XXYLT1: variants seen among roughly 807,000 people sequenced by gnomAD.
XXYLT1 encodes UDP-xylose:alpha-xyloside alpha-1,3-xylosyltransferase.
Under a neutral mutation model 28.9 loss-of-function variants are expected in XXYLT1, and 20 were observed. That is an observed-to-expected ratio of 0.69 (90% CI 0.49 to 1.00). The LOEUF (loss-of-function observed/expected upper bound fraction) is 1.00, where lower values mean the gene tolerates loss of function less well. Ranked by LOEUF, XXYLT1 falls within the 50% of genes least tolerant of loss-of-function variation. XXYLT1 has a pLI of 0.00. For synonymous variants in XXYLT1, 257 were observed against 253.8 expected (o/e 1.01, Z -0.12); for missense variants, 542 against 560.1 (o/e 0.97, Z 0.33).
chr3:195,270,606 G>A lies in XXYLT1; in HGVS notation c.453C>T (p.Ala151=), dbSNP rs746555729. 2 of 1,468,450 alleles carry A rather than the reference G, an allele frequency of 1.4e-6. No individual in the cohort carries two copies. The highest frequency in any genetic ancestry group is 1.4e-5 in the African/African-American group (1 of 69,002). 91.0% of individuals were successfully genotyped at this position (1,468,450 alleles called of 1,614,324 possible). A position where few individuals can be genotyped will look rare whatever the true frequency, so the allele number is the denominator to read the frequency against. The change falls in exon 1 of 4, where the codon GCC becomes GCT. Residue 151 remains alanine (A), a synonymous_variant. Coordinates refer to ENST00000310380, the MANE Select transcript of XXYLT1 (RefSeq NM_152531.5). ...GCAGGAGCTCCCGCAGCAGGCCCTT[G>A]GCCACCTCGCGGCTGGCCTCCTCGC... is the stretch of plus-strand genomic sequence containing the variant. The part of the protein sequence containing the change: ...FVSEEASREV[A]KGLLRELLPP...
At position 195,076,703 on chromosome 3, in the gene XXYLT1, G is replaced by A. The variant is rs775870135; in HGVS notation, c.786-6592C>T. On this transcript the variant is annotated intron_variant, in intron 3 of 3. Transcript: ENST00000310380. This position sits in a 1 kb window ranked among gnomAD's most constrained non-coding sequence, Gnocchi z 5.3. ...CTAGGAGGGAGGGTCTGTTCCAGGC[G>A]CTCCCCTCGCTCCTGGTGGCTTGCT... 2.6e-5 allele frequency among the ~76,000 whole-genome samples: 4 copies of A among 152,128 alleles called. No homozygotes were observed. The highest frequency in any genetic ancestry group is 5.9e-5 in the Non-Finnish European group (4 of 68,030).
In XXYLT1 at chr3:195,180,036, G is replaced by A. The variant is rs970107286; in HGVS notation, c.653-23455C>T. Among the ~76,000 whole-genome samples the A allele has an allele frequency of 2.0e-5, 3 of 152,258 alleles. No homozygotes were observed. Among genetic ancestry groups the A allele is most frequent in the East Asian group, 3.9e-4 (2 of 5,166 alleles). Reference sequence around the variant, plus strand: ...TGCAGGCAGAGTCGGGCCAGGGTGCGGCTGAGTGACGGAGCGCCTGGTGAG... The same window carrying A: ...TGCAGGCAGAGTCGGGCCAGGGTGCAGCTGAGTGACGGAGCGCCTGGTGAG... On this transcript the variant is annotated intron_variant, in intron 2 of 3. Transcript: ENST00000310380. This position sits in a 1 kb window ranked among gnomAD's most constrained non-coding sequence, Gnocchi z 5.8.
intron 2 of XXYLT1, among the ~76,000 whole-genome samples, chr3:195,171,561 T>C (rs114317676): frequency 0.015 from 2,254 of 152,314 alleles, 52 homozygotes; most frequent in African/African-American, 0.052. Flanking sequence ...GCAGGTGGTA[T>C]CTGGATTATT....
chr3:195,202,049 C>A (rs1445783530), intron 2 of XXYLT1, among the ~76,000 whole-genome samples: 2 of 151,270 alleles, frequency 1.3e-5, no homozygotes, highest in Non-Finnish European at 1.5e-5. Flanking sequence ...TGGTGGTGTG[C>A]ACCTGTAATC....
intron 2 of XXYLT1, among the ~76,000 whole-genome samples, chr3:195,193,360 C>T (rs932177943): frequency 6.6e-6 from 1 of 151,380 alleles, no homozygotes; most frequent in Middle Eastern, 3.2e-3. Flanking sequence ...GTACAAGACT[C>T]GCATACTAAA....
chr3:195,141,994 T>C (rs778374402), intron 3 of XXYLT1, among the ~76,000 whole-genome samples: 6 of 152,252 alleles, frequency 3.9e-5, no homozygotes, highest in Non-Finnish European at 7.3e-5. Flanking sequence ...ACGTGATTCA[T>C]GTAATCACAA....
rs1718021095 is a variant in XXYLT1 at position 195,115,932 on chromosome 3, G to A, written c.785+40517C>T. Among the ~76,000 whole-genome samples the A allele has an allele frequency of 6.6e-6, 1 of 152,142 alleles. No homozygotes were observed. The highest frequency in any genetic ancestry group is 6.5e-5 in the Admixed American group (1 of 15,286). Reference sequence around the variant, plus strand: ...TGACAGGGACAGTGATAAGGAGCTGGGCCGCTCAGGAGATGGCAGGAAACT... The same window carrying A: ...TGACAGGGACAGTGATAAGGAGCTGAGCCGCTCAGGAGATGGCAGGAAACT... On this transcript the variant is annotated intron_variant, in intron 3 of 3. Transcript: ENST00000310380. The surrounding 1 kb of genome is among the most constrained non-coding windows in gnomAD (Gnocchi z 4.2).
chr3:195,193,058 G>C (rs1156794996), intron 2 of XXYLT1, among the ~76,000 whole-genome samples: 1 of 152,030 alleles, frequency 6.6e-6, no homozygotes, highest in African/African-American at 2.4e-5. Context: ...GGCCAAGGTG[G>C]GCAGATCACC....
intron 3 of XXYLT1, among the ~76,000 whole-genome samples, chr3:195,142,596 G>T (rs760358379): frequency 6.6e-6 from 1 of 152,234 alleles, no homozygotes; most frequent in Non-Finnish European, 1.5e-5. Context: ...AAGTTATCCA[G>T]GAGAAATACA....
At chr3:195,156,785 G>A (rs1005605649) in intron 2 of XXYLT1, among the ~76,000 whole-genome samples, 2 of 152,162 alleles carry the variant, frequency 1.3e-5, no homozygotes, top group African/African-American at 2.4e-5. Flanking sequence ...ACGACTACCC[G>A]TGTCTTTTCT....
chr3:195,136,144 A>G (rs1057362649), intron 3 of XXYLT1, among the ~76,000 whole-genome samples: 5 of 152,126 alleles, frequency 3.3e-5, no homozygotes, highest in Admixed American at 6.5e-5. Flanking sequence ...CGATAACATC[A>G]TTTTGCTGGA....
chr3:195,240,187 G>A lies in XXYLT1; in HGVS notation c.505-13331C>T, dbSNP rs1425803847. 2.4e-4 allele frequency among the ~76,000 whole-genome samples: 36 copies of A among 152,198 alleles called. No individual in the cohort carries two copies. The highest frequency in any genetic ancestry group is 2.4e-3 in the Admixed American group (36 of 15,282). On this transcript the variant is annotated intron_variant, in intron 1 of 3. Coordinates refer to ENST00000310380, the MANE Select transcript of XXYLT1 (RefSeq NM_152531.5). The surrounding 1 kb of genome is among the most constrained non-coding windows in gnomAD (Gnocchi z 4.7). Reference sequence around the variant, plus strand: ...TGTGTGATATAAAAGACCTTGGAAAGGCTCAACTCTTTCGAAAGGGACAGT... The same window carrying A: ...TGTGTGATATAAAAGACCTTGGAAAAGCTCAACTCTTTCGAAAGGGACAGT...
chr3:195,248,028 C>T (rs1223028403), intron 1 of XXYLT1: 1 of 523,546 alleles, frequency 1.9e-6, no homozygotes, highest in African/African-American at 2.0e-5. Context: ...GGTGGAGACA[C>T]AGCCAAACCT....
chr3:195,104,197 C>A (rs1316424509), intron 3 of XXYLT1, among the ~76,000 whole-genome samples: 1 of 107,792 alleles, frequency 9.3e-6, no homozygotes, highest in Admixed American at 1.0e-4. Flanking sequence ...GATGAGGGCT[C>A]CGTGTGTGTG....
At chr3:195,188,556 C>A (rs908790910) in intron 2 of XXYLT1, among the ~76,000 whole-genome samples, 2 of 152,202 alleles carry the variant, frequency 1.3e-5, no homozygotes, top group African/African-American at 4.8e-5. Context: ...AGGAGCAGTA[C>A]CTCTGCTGCT....
intron 2 of XXYLT1, among the ~76,000 whole-genome samples, chr3:195,169,261 G>A (rs543148078): frequency 8.5e-5 from 13 of 152,348 alleles, no homozygotes; most frequent in East Asian, 3.9e-4. Context: ...ATCCCGGCAC[G>A]GCAGCCGGGT....
At chr3:195,211,672 C>G (rs1723318449) in intron 2 of XXYLT1, among the ~76,000 whole-genome samples, 1 of 152,182 alleles carries the variant, frequency 6.6e-6, no homozygotes, top group African/African-American at 2.4e-5. Context: ...TCCACATGAG[C>G]AGACGATAAG....
At position 195,153,547 on chromosome 3, in the gene XXYLT1, G is replaced by A. The variant is rs80172985; in HGVS notation, c.785+2902C>T. The stretch of plus-strand genomic sequence containing the variant: ...ATTCTTCAGACTCTGCTGCAGCGGA[G>A]GTCTCATGGTTATCATAGTACATAA... On this transcript the variant is annotated intron_variant, in intron 3 of 3. Transcript: ENST00000310380. 4.2e-3 allele frequency among the ~76,000 whole-genome samples: 643 copies of A among 152,284 alleles called. 2 individuals are homozygous for A. Among genetic ancestry groups the A allele is most frequent in the African/African-American group, 0.015 (615 of 41,542 alleles).
At chr3:195,229,336 C>T (rs978753686) in intron 1 of XXYLT1, among the ~76,000 whole-genome samples, 1 of 152,066 alleles carries the variant, frequency 6.6e-6, no homozygotes, top group African/African-American at 2.4e-5. Flanking sequence ...GCATAATAAT[C>T]ATATCAAGGT....
Sources: gnomAD v4.1 joint callset for allele counts (sites outside exome capture counted in the v4.1 genomes callset) on GRCh38, gnomAD v4.1.1 for gene constraint, Gnocchi (gnomAD v3.1) non-coding constraint, MANE v1.5 for transcripts, NCBI Gene and HGNC (gene_info 2026-07-23, HGNC 2026-07-21) for gene names.